Variants in CTNNA3 observed in about 807,000 individuals in gnomAD.
CTNNA3 encodes catenin alpha-3.
CTNNA3 carries 76 observed loss-of-function variants against 95.7 expected under a neutral mutation model. That is an observed-to-expected ratio of 0.79 (90% CI 0.66 to 0.96). The LOEUF (loss-of-function observed/expected upper bound fraction) is 0.96, where lower values mean the gene tolerates loss of function less well. CTNNA3 is among the 40% of genes least tolerant of loss of function. The probability of loss-of-function intolerance (pLI) is 0.00; values close to 1 mark genes in which losing one functional copy is unlikely to be tolerated. For synonymous variants in CTNNA3, 431 were observed against 374.4 expected, an observed-to-expected ratio of 1.15 and a Z score of -1.74; for missense variants, 1,191 against 1,089.8, an observed-to-expected ratio of 1.09 and a Z score of -1.31.
At chr10:66,742,872 A>G (rs1056850393) in intron 9 of CTNNA3, among the ~76,000 whole-genome samples, 1 of 152,218 alleles carries the variant, frequency 6.6e-6, no homozygotes, top group African/African-American at 2.4e-5. Flanking sequence ...ATATTTTAAT[A>G]TGTAAACATC....
In CTNNA3 at chr10:66,374,606, CTTTTTTTT is replaced by C. The variant is rs58880058; in HGVS notation, c.1732+4538_1732+4545del. Among the ~76,000 whole-genome samples, 18 of 88,128 alleles carry C rather than the reference CTTTTTTTT, an allele frequency of 2.0e-4. No homozygotes were observed. In the East Asian group the frequency reaches 4.7e-3, roughly 23 times the overall value. The allele number at this position is 88,128 out of a possible 152,430, so 57.8% of individuals were successfully genotyped here. A position where few individuals can be genotyped will look rare whatever the true frequency, so the allele number is the denominator to read the frequency against. On this transcript the variant is annotated intron_variant, in intron 12 of 17. Coordinates refer to ENST00000433211, the MANE Select transcript of CTNNA3 (RefSeq NM_013266.4). ...TCATATTCCATTTTGAAAGAAAAGC[CTTTTTTTT>C]TTTTTTTTTTTTTTTTTTGAGACGG...
chr10:66,953,760 A>T (rs1318590078), intron 7 of CTNNA3, among the ~76,000 whole-genome samples: 2 of 152,134 alleles, frequency 1.3e-5, no homozygotes, highest in Non-Finnish European at 1.5e-5. Context: ...TCCTCCTAAG[A>T]TAATATTAGA....
At chr10:67,490,278 AT>A (rs1848600521) in intron 5 of CTNNA3, among the ~76,000 whole-genome samples, 1 of 152,204 alleles carries the variant, frequency 6.6e-6, no homozygotes, top group African/African-American at 2.4e-5. Context: ...AAAATAAATT[AT>A]TTTACCAAGA....
chr10:66,753,678 T>A (rs7084231), intron 9 of CTNNA3, among the ~76,000 whole-genome samples: 16,770 of 148,610 alleles, frequency 0.11, 1,621 homozygotes, highest in African/African-American at 0.25. Context: ...AAAAAGAAAA[T>A]ATATATATAT....
intron 5 of CTNNA3, among the ~76,000 whole-genome samples, chr10:67,496,748 T>C (rs1839036677): frequency 6.6e-6 from 1 of 152,188 alleles, no homozygotes; most frequent in Non-Finnish European, 1.5e-5. Flanking sequence ...CAAAATGAGA[T>C]GTAGCAAGTA....
chr10:66,465,031 T>C (rs1319869941), intron 11 of CTNNA3, among the ~76,000 whole-genome samples: 2 of 152,096 alleles, frequency 1.3e-5, no homozygotes. Flanking sequence ...GGTGCGGACA[T>C]AGACAAATGA....
At chr10:67,289,077 C>A (rs574622064) in intron 5 of CTNNA3, among the ~76,000 whole-genome samples, 3 of 152,260 alleles carry the variant, frequency 2.0e-5, no homozygotes, top group African/African-American at 7.2e-5. Flanking sequence ...AAGTTCTAAT[C>A]TCAGCCTTTA....
At chr10:66,208,235 T>C (rs2087892148) in intron 13 of CTNNA3, among the ~76,000 whole-genome samples, 1 of 152,022 alleles carries the variant, frequency 6.6e-6, no homozygotes, top group Non-Finnish European at 1.5e-5. Flanking sequence ...GTACAGGACT[T>C]AGTAATTTTG....
intron 2 of CTNNA3, among the ~76,000 whole-genome samples, chr10:67,627,990 C>A (rs927907993): frequency 2.0e-5 from 3 of 150,328 alleles, no homozygotes; most frequent in Non-Finnish European, 4.4e-5. Context: ...AAGGTTGTTT[C>A]AAAATGAGAA....
At chr10:66,026,000 CTAA>C (rs2079325685) in intron 15 of CTNNA3, among the ~76,000 whole-genome samples, 1 of 152,104 alleles carries the variant, frequency 6.6e-6, no homozygotes, top group Non-Finnish European at 1.5e-5. Flanking sequence ...GTGCCATTGT[CTAA>C]TATTAGTTTG....
chr10:67,200,814 T>A (rs1343606686), intron 6 of CTNNA3, among the ~76,000 whole-genome samples: 5 of 152,178 alleles, frequency 3.3e-5, no homozygotes, highest in Non-Finnish European at 5.9e-5. Flanking sequence ...TATACCTTGT[T>A]ACAAATATTT....
chr10:67,061,869 C>T (rs554927822), intron 7 of CTNNA3, among the ~76,000 whole-genome samples: 1 of 152,066 alleles, frequency 6.6e-6, no homozygotes, highest in African/African-American at 2.4e-5. Flanking sequence ...GATAAAGAAT[C>T]AAGTTATGTT....
chr10:66,652,944 C>A (rs1192006708), intron 9 of CTNNA3, among the ~76,000 whole-genome samples: 2 of 151,968 alleles, frequency 1.3e-5, no homozygotes, highest in East Asian at 3.9e-4. Context: ...TATCCTTTTG[C>A]AATAAAAATT....
intron 7 of CTNNA3, among the ~76,000 whole-genome samples, chr10:66,779,019 G>A (rs959469333): frequency 1.3e-5 from 2 of 151,972 alleles, no homozygotes; most frequent in Non-Finnish European, 2.9e-5. Context: ...TAGTAAATAA[G>A]AAATAGACAA....
chr10:66,469,858 C>T (rs1027128947), intron 11 of CTNNA3, among the ~76,000 whole-genome samples: 5 of 151,496 alleles, frequency 3.3e-5, no homozygotes, highest in East Asian at 1.9e-4. Flanking sequence ...GAGGCAGATA[C>T]GAGACTTAAT....
intron 2 of CTNNA3, among the ~76,000 whole-genome samples, chr10:67,620,141 A>T (rs1251102136): frequency 1.3e-5 from 2 of 152,194 alleles, no homozygotes; most frequent in African/African-American, 4.8e-5. Flanking sequence ...GGGACTTCGA[A>T]TCTGAAGCAC....
intron 3 of CTNNA3, among the ~76,000 whole-genome samples, chr10:67,586,705 A>G (rs1842637947): frequency 6.6e-6 from 1 of 152,054 alleles, no homozygotes; most frequent in Admixed American, 6.6e-5. Context: ...TAAGTTTCTT[A>G]TAAGCAGCAT....
At chr10:66,098,818 G>C (rs957015629) in intron 14 of CTNNA3, 1 of 152,268 alleles carries the variant, frequency 6.6e-6, no homozygotes, top group Middle Eastern at 3.4e-3. Flanking sequence ...TATTGGTCCA[G>C]TGAGTATTCA....
At chr10:67,485,742 T>C (rs1848421949) in intron 5 of CTNNA3, among the ~76,000 whole-genome samples, 1 of 152,154 alleles carries the variant, frequency 6.6e-6, no homozygotes, top group Non-Finnish European at 1.5e-5. Flanking sequence ...GCACTTTCAG[T>C]CAGAGACAGA....
Sources: allele counts gnomAD v4.1 joint callset (sites outside exome capture counted in the v4.1 genomes callset), GRCh38; gene constraint gnomAD v4.1.1; transcripts MANE v1.5; gene names NCBI Gene and HGNC (gene_info 2026-07-23, HGNC 2026-07-21).